Variants in ARRDC5 observed in about 807,000 individuals in gnomAD.
The protein encoded by ARRDC5 is arrestin domain-containing protein 5.
ARRDC5 carries 12 observed loss-of-function variants against 13.3 expected under a neutral mutation model. That is an observed-to-expected ratio of 0.90 (90% CI 0.58 to 1.46). ARRDC5 has a LOEUF of 1.46. Among genes scored for constraint, ARRDC5 ranks in the 40% most tolerant of loss-of-function variants. ARRDC5 has a pLI of 0.00. For synonymous variants in ARRDC5, 181 were observed against 173.4 expected (o/e 1.04, Z -0.34); for missense variants, 406 against 418.7 (o/e 0.97, Z 0.26).
At chr19:4,905,813 G>A (rs189242895), upstream of ARRDC5, among the ~76,000 whole-genome samples, 6 of 152,166 alleles carry the variant, frequency 3.9e-5, no homozygotes, top group East Asian at 1.9e-4. Flanking sequence ...CACTGTGCCC[G>A]GCCAGTGTTA....
upstream of ARRDC5, among the ~76,000 whole-genome samples, chr19:4,907,805 T>A (rs2032098969): frequency 7.1e-6 from 1 of 141,678 alleles, no homozygotes; most frequent in Non-Finnish European, 1.5e-5. Context: ...CTCTGCCTCC[T>A]GGGTTCAAGC....
intron 1 of ARRDC5, among the ~76,000 whole-genome samples, chr19:4,900,474 T>A (rs1485769993): frequency 1.3e-5 from 2 of 152,194 alleles, no homozygotes; most frequent in African/African-American, 4.8e-5. Context: ...AAGCGCTTTA[T>A]GTGCCATTAA....
At chr19:4,907,159 G>GAT (rs1325430991), upstream of ARRDC5, among the ~76,000 whole-genome samples, 3 of 152,202 alleles carry the variant, frequency 2.0e-5, no homozygotes, top group Admixed American at 1.3e-4. Context: ...ACCCAGGTGG[G>GAT]AGTACACTGG....
At chr19:4,894,688 A>G (rs1381314263) in intron 2 of ARRDC5, among the ~76,000 whole-genome samples, 2 of 140,744 alleles carry the variant, frequency 1.4e-5, no homozygotes, top group Non-Finnish European at 1.6e-5. Context: ...TCTCAAAAAA[A>G]AAAAAAAGAA....
At chr19:4,896,348 AT>A (rs1225628606) in intron 2 of ARRDC5, among the ~76,000 whole-genome samples, 1,110 of 59,486 alleles carry the variant, frequency 0.019, 34 homozygotes, top group African/African-American at 0.043. Context: ...ATATATATAT[AT>A]TTTTTTTTTT....
At chr19:4,908,076 T>A in the ARRDC5 span, among the ~76,000 whole-genome samples, 1 of 152,168 alleles carries the variant, frequency 6.6e-6, no homozygotes, top group African/African-American at 2.4e-5. Context: ...ACCTTTTGTA[T>A]CCCTTTTTCA....
chr19:4,909,629 G>C, the ARRDC5 span: 1 of 596,716 alleles, frequency 1.7e-6, no homozygotes, highest in Non-Finnish European at 2.9e-6. Context: ...CGCGCAGGCA[G>C]ACAAGCTGTT....
chr19:4,909,802 C>T, the ARRDC5 span: 1 of 439,924 alleles, frequency 2.3e-6, no homozygotes, highest in Non-Finnish European at 4.0e-6. Context: ...TCCACCTAAC[C>T]CTCGGGAATC....
rs534101872 is a variant in ARRDC5 at position 4,901,352 on chromosome 19, A to G, written c.253+1221T>C. Among the ~76,000 whole-genome samples, 4 of 152,226 alleles carry G rather than the reference A, an allele frequency of 2.6e-5. No homozygotes were observed. In the South Asian group the frequency reaches 8.3e-4, roughly 32 times the overall value. On this transcript the variant is annotated intron_variant, in intron 1 of 2. Coordinates refer to ENST00000650722, the MANE Select transcript of ARRDC5 (RefSeq NM_001080523.3). ...ATACATAAGCCAGGCCTGGTGGCTC[A>G]TGCCTGTAATCCCAGTACTTTGGGA...
rs1238238588 is a variant in ARRDC5 at position 4,896,746 on chromosome 19, T to C, written c.384A>G (p.Glu128=). 13 of 1,613,624 alleles carry C rather than the reference T, an allele frequency of 8.1e-6. No individual in the cohort carries two copies. Among genetic ancestry groups the C allele is most frequent in the African/African-American group, 1.3e-5 (1 of 74,892 alleles). Residue 128 remains glutamate, a synonymous_variant, in exon 2 of 3, where the codon GAA becomes GAG. Transcript: ENST00000650722. ...YFVQASCMGR[E]HILAKKRMYL... ...ACATCCTCTTCTTGGCTAAAATGTG[T>C]TCCCTGCCCATGCAGGAAGCTTGTA...
At chr19:4,908,059 G>A in the ARRDC5 span, among the ~76,000 whole-genome samples, 1 of 152,098 alleles carries the variant, frequency 6.6e-6, no homozygotes. Flanking sequence ...CATCTCCTTT[G>A]ACTTTGACCT....
the ARRDC5 span, among the ~76,000 whole-genome samples, chr19:4,914,821 A>C: frequency 6.6e-6 from 1 of 152,114 alleles, no homozygotes; most frequent in Admixed American, 6.6e-5. Flanking sequence ...GCTAATACCC[A>C]CCACGCTGCA....
At position 4,891,017 on chromosome 19, in the gene ARRDC5, A is replaced by T; in HGVS notation, c.*29T>A. ...GGCTTCCTCCTGGTAGAGACTAATA[A>T]AGCTTTTAATATTTAAAAGTTCGGG... On this transcript the variant is annotated 3_prime_UTR_variant, in exon 3 of 3. Transcript: ENST00000650722. The T allele has an allele frequency of 6.4e-7, 1 of 1,574,030 alleles. No individual in the cohort carries two copies. The highest frequency in any genetic ancestry group is 8.6e-7 in the Non-Finnish European group (1 of 1,158,300).
chr19:4,906,513 G>A (rs1243192560), upstream of ARRDC5, among the ~76,000 whole-genome samples: 2 of 152,140 alleles, frequency 1.3e-5, no homozygotes, highest in African/African-American at 4.8e-5. Flanking sequence ...CAGCACTTTG[G>A]GAAGTCCAGG....
At chr19:4,896,405 C>CACATATATAT (rs539564532) in intron 2 of ARRDC5, among the ~76,000 whole-genome samples, 7 of 106,366 alleles carry the variant, frequency 6.6e-5, no homozygotes, top group Non-Finnish European at 9.1e-5. Context: ...CACACACACA[C>CACATATATAT]ATATATATAA....
upstream of ARRDC5, chr19:4,903,016 G>C (rs1035308697): frequency 1.2e-4 from 51 of 426,302 alleles, no homozygotes; most frequent in African/African-American, 2.3e-3. Context: ...GAAACCTGTA[G>C]TCCTCACTGG....
At chr19:4,909,016 G>A in the ARRDC5 span, among the ~76,000 whole-genome samples, 1 of 152,196 alleles carries the variant, frequency 6.6e-6, no homozygotes, top group Non-Finnish European at 1.5e-5. Context: ...GGTAGAGTGG[G>A]GAGCCCTGGC....
the ARRDC5 span, among the ~76,000 whole-genome samples, chr19:4,912,589 T>A: frequency 2.2e-3 from 342 of 152,300 alleles, 2 homozygotes; most frequent in Non-Finnish European, 4.2e-3. Context: ...GTATTCTGAC[T>A]TATTAGGTTT....
At chr19:4,894,020 C>T (rs555133054) in intron 2 of ARRDC5, among the ~76,000 whole-genome samples, 2 of 145,936 alleles carry the variant, frequency 1.4e-5, no homozygotes, top group South Asian at 4.3e-4. Context: ...TACACTCCAG[C>T]CTGGGCGACA....
Sources: gnomAD v4.1 joint callset for allele counts (sites outside exome capture counted in the v4.1 genomes callset) on GRCh38, gnomAD v4.1.1 for gene constraint, MANE v1.5 for transcripts, NCBI Gene and HGNC (gene_info 2026-07-23, HGNC 2026-07-21) for gene names.